CACNA1E: variants seen among roughly 807,000 people sequenced by gnomAD.
CACNA1E encodes the protein calcium voltage-gated channel subunit alpha1 E, also known as voltage-dependent R-type calcium channel subunit alpha-1E.
CACNA1E carries 40 observed loss-of-function variants against 259.2 expected under a neutral mutation model. The ratio of observed to expected loss-of-function variants is 0.15; its 90% CI spans 0.12 to 0.20. The LOEUF is 0.20. Among genes scored for constraint, CACNA1E ranks in the 10% least tolerant of loss-of-function variants. CACNA1E has a pLI of 1.00. For synonymous variants in CACNA1E, 1,104 were observed against 1,138.5 expected (o/e 0.97, Z 0.61); for missense variants, 1,874 against 3,040.1 (o/e 0.62, Z 9.02).
At chr1:181,540,158 C>A (rs1390200940) in intron 3 of CACNA1E, among the ~76,000 whole-genome samples, 1 of 152,122 alleles carries the variant, frequency 6.6e-6, no homozygotes, top group Non-Finnish European at 1.5e-5. Context: ...GATGTAAACG[C>A]ATTTCCTAGA....
chr1:181,676,732 A>G (rs527555023), intron 7 of CACNA1E, among the ~76,000 whole-genome samples: 4 of 152,330 alleles, frequency 2.6e-5, no homozygotes, highest in Non-Finnish European at 5.9e-5. Context: ...GAGGACAGCA[A>G]TTCTCAGTGA....
Position 181,746,226 on chromosome 1 carries a change from C to T in CACNA1E, c.3720-4250C>T, listed in dbSNP as rs564260555. Among the ~76,000 whole-genome samples the T allele has an allele frequency of 4.6e-5, 7 of 152,312 alleles. No homozygotes were observed. The East Asian group carries it at 9.6e-4, about 21-fold the overall frequency. On this transcript the variant is annotated intron_variant, in intron 25 of 47. Transcript: ENST00000367573. Reference sequence around the variant, plus strand: ...TTTTCACAGAAGCAGATGAACATATCCTTATCTGCAGATCCTAGAGAGACA... The same window carrying T: ...TTTTCACAGAAGCAGATGAACATATTCTTATCTGCAGATCCTAGAGAGACA...
intron 6 of CACNA1E, among the ~76,000 whole-genome samples, chr1:181,631,718 A>G (rs1482493709): frequency 6.6e-6 from 1 of 152,226 alleles, no homozygotes; most frequent in African/African-American, 2.4e-5. Context: ...ATAGATCTTC[A>G]GCTTCCAGGG....
At chr1:181,771,598 T>A in intron 36 of CACNA1E, 1 of 543,592 alleles carries the variant, frequency 1.8e-6, no homozygotes. Flanking sequence ...ATGTGCCTGA[T>A]CTTGTCTGAT....
In CACNA1E at chr1:181,715,402, G is replaced by T; in HGVS notation, c.1225+11G>T. On this transcript the variant is annotated intron_variant, in intron 9 of 47. Transcript: ENST00000367573. ...CATCCGCCTTAGAAGGTAAGGAAAT[G>T]TTCTGATGCCTTATTCCAGTTGCAT... is the stretch of plus-strand genomic sequence containing the variant. 1 of 1,544,880 alleles carries T rather than the reference G, an allele frequency of 6.5e-7. No homozygotes were observed. Among genetic ancestry groups the T allele is most frequent in the Non-Finnish European group, 8.9e-7 (1 of 1,121,486 alleles).
At chr1:181,726,572 T>C (rs1049769115) in intron 18 of CACNA1E, among the ~76,000 whole-genome samples, 3 of 152,000 alleles carry the variant, frequency 2.0e-5, no homozygotes, top group Admixed American at 2.0e-4. Context: ...TGGTGTGTAA[T>C]TAATGAGGGG....
rs939813487 is a variant in CACNA1E at position 181,633,283 on chromosome 1, T to C, written c.952-18055T>C. ...CTGAGTATAATATCATGGTATCCAC[T>C]CCAGGCATTCAAATTCATTCTTATC... On this transcript the variant is annotated intron_variant, in intron 6 of 47. Transcript: ENST00000367573. 1.8e-4 allele frequency among the ~76,000 whole-genome samples: 28 copies of C among 152,202 alleles called. 1 individual carries two copies. Among genetic ancestry groups the C allele is most frequent in the Middle Eastern group, 3.4e-3 (1 of 294 alleles).
rs115772333 is a variant in CACNA1E, at chr1:181,366,315, G to A, written c.-14-46818G>A. Reference sequence around the variant, plus strand: ...TGGCCTTTGGTCCATGGTATCAGACGCTGGCTCAAGGCAATGCAATGTGCT... The same window carrying A: ...TGGCCTTTGGTCCATGGTATCAGACACTGGCTCAAGGCAATGCAATGTGCT... On this transcript the variant is annotated intron_variant, in intron 1 of 11. Coordinates refer to the CACNA1E transcript ENST00000524607. Among the ~76,000 whole-genome samples the A allele has an allele frequency of 5.7e-3, 873 of 152,228 alleles. 7 individuals are homozygous for A. Among genetic ancestry groups the A allele is most frequent in the African/African-American group, 0.02 (833 of 41,532 alleles).
intron 25 of CACNA1E, chr1:181,745,389 C>A (rs1572774954): frequency 2.0e-6 from 1 of 489,764 alleles, no homozygotes; most frequent in East Asian, 5.6e-5. Flanking sequence ...TAAATGGGAT[C>A]TCAGCCCGTG....
At chr1:181,466,035 T>G (rs1052420941) in intron 2 of CACNA1E, among the ~76,000 whole-genome samples, 6 of 152,190 alleles carry the variant, frequency 3.9e-5, no homozygotes, top group Non-Finnish European at 8.8e-5. Flanking sequence ...CACACAATCC[T>G]GAGTTTTGAT....
intron 3 of CACNA1E, among the ~76,000 whole-genome samples, chr1:181,561,267 C>T (rs893956439): frequency 4.6e-5 from 7 of 152,144 alleles, no homozygotes; most frequent in African/African-American, 1.7e-4. Context: ...AATTAAAAAT[C>T]TTAATACTGA....
chr1:181,697,367 G>A (rs1406781325), intron 7 of CACNA1E, among the ~76,000 whole-genome samples: 1 of 152,162 alleles, frequency 6.6e-6, no homozygotes, highest in African/African-American at 2.4e-5. Flanking sequence ...ACATCCTTTG[G>A]CTTCATTTAA....
intron 7 of CACNA1E, among the ~76,000 whole-genome samples, chr1:181,679,494 G>T (rs534873812): frequency 6.6e-6 from 1 of 152,328 alleles, no homozygotes; most frequent in South Asian, 2.1e-4. Flanking sequence ...CCAGGGGGCA[G>T]ATAAGGACAT....
At chr1:181,731,273 T>C in intron 19 of CACNA1E, 42 bp downstream of exon 19, 1 of 1,511,242 alleles carries the variant, frequency 6.6e-7, no homozygotes. Flanking sequence ...TGGTTACGTG[T>C]GGGCGTGGGA....
rs541096136 is a variant in CACNA1E at position 181,805,571 on chromosome 1, G to T, written c.*6737G>T. 33 of 152,186 alleles carry T rather than the reference G, an allele frequency of 2.2e-4. No individual in the cohort carries two copies. The highest frequency in any genetic ancestry group is 2.9e-4 in the Non-Finnish European group (20 of 68,044). The allele number at this position is 152,186 out of a possible 1,614,324, so 9.4% of individuals were successfully genotyped here. On this transcript the variant is annotated 3_prime_UTR_variant, in exon 48 of 48. Transcript: ENST00000367573. ...CCCAGTGGAGTTAGTAAAAACATAG[G>T]TATTGAGTTTTAATGGCTACCAATT...
At chr1:181,427,323 G>C (rs57776888) in intron 2 of CACNA1E, among the ~76,000 whole-genome samples, 17 of 133,046 alleles carry the variant, frequency 1.3e-4, no homozygotes, top group Admixed American at 3.1e-4. Context: ...ACCCCTGCCC[G>C]TCCCAACCCC....
At chr1:181,424,826 C>T (rs1189073332) in intron 2 of CACNA1E, among the ~76,000 whole-genome samples, 4 of 152,030 alleles carry the variant, frequency 2.6e-5, no homozygotes, top group African/African-American at 9.7e-5. Flanking sequence ...CCGGATCGGC[C>T]CGTTCTGTGC....
intron 6 of CACNA1E, among the ~76,000 whole-genome samples, chr1:181,620,072 G>T (rs759143410): frequency 1.3e-5 from 2 of 152,126 alleles, no homozygotes; most frequent in Non-Finnish European, 2.9e-5. Flanking sequence ...TGAGAATTAG[G>T]TGTGAATAAA....
At chr1:181,396,889 CT>C (rs1393785876) in intron 1 of CACNA1E, among the ~76,000 whole-genome samples, 6 of 152,222 alleles carry the variant, frequency 3.9e-5, no homozygotes, top group Admixed American at 3.3e-4. Flanking sequence ...TTAACTACTT[CT>C]TCTTCTGGGA....
Sources: gnomAD v4.1 joint callset for allele counts (sites outside exome capture counted in the v4.1 genomes callset) on GRCh38, gnomAD v4.1.1 for gene constraint, MANE v1.5 for transcripts, NCBI Gene and HGNC (gene_info 2026-07-23, HGNC 2026-07-21) for gene names.